FAR1: variants seen among roughly 807,000 people sequenced by gnomAD.
The protein encoded by FAR1 is male sterility domain-containing protein 2.
FAR1 carries 22 observed loss-of-function variants against 61.1 expected under a neutral mutation model. That is an observed-to-expected ratio of 0.36 (90% CI 0.26 to 0.51). FAR1 has a LOEUF of 0.51. Among genes scored for constraint, FAR1 ranks in the 20% least tolerant of loss-of-function variants. The pLI, the probability that FAR1 is intolerant of heterozygous loss-of-function variation, is 0.95. For synonymous variants in FAR1, 206 were observed against 209.7 expected, an observed-to-expected ratio of 0.98 and a Z score of 0.15; for missense variants, 359 against 626.9, an observed-to-expected ratio of 0.57 and a Z score of 4.56.
rs1848501206 is a variant in FAR1 at position 13,711,789 on chromosome 11, C to A, written c.749C>A (p.Pro250Gln). Residue 250 changes from proline (P) to glutamine (Q), a missense_variant, in exon 6 of 12, where the codon CCA (proline) becomes CAA (glutamine). By Grantham distance (76) the Pro-to-Gln change is moderately conservative. Coordinates refer to ENST00000354817, the MANE Select transcript of FAR1 (RefSeq NM_032228.6). ...FPGWIDNFNG[P>Q]SGLFIAAGKG... Reference sequence around the variant, plus strand: ...GGATGGATTGATAACTTTAATGGACCAAGTGGTCTCTTTATTGCGGTAAGT... The same window carrying A: ...GGATGGATTGATAACTTTAATGGACAAAGTGGTCTCTTTATTGCGGTAAGT... 13 of 1,600,518 alleles carry A rather than the reference C, an allele frequency of 8.1e-6. No individual in the cohort carries two copies. Among genetic ancestry groups the A allele is most frequent in the Non-Finnish European group, 1.1e-5 (13 of 1,175,112 alleles).
intron 1 of FAR1, among the ~76,000 whole-genome samples, chr11:13,687,392 A>T (rs1420444927): frequency 6.6e-6 from 1 of 152,226 alleles, no homozygotes; most frequent in African/African-American, 2.4e-5. Flanking sequence ...GGGAATGCTA[A>T]TGCTGCAGCT....
At chr11:13,678,394 A>T (rs1413426947) in intron 1 of FAR1, among the ~76,000 whole-genome samples, 1 of 151,856 alleles carries the variant, frequency 6.6e-6, no homozygotes, top group Non-Finnish European at 1.5e-5. Context: ...CCTCCTGAGT[A>T]GCTGGGACTA....
intron 2 of FAR1, among the ~76,000 whole-genome samples, chr11:13,695,360 C>T (rs2134180442): frequency 6.6e-6 from 1 of 152,204 alleles, no homozygotes; most frequent in East Asian, 1.9e-4. Flanking sequence ...TACTCCCCCA[C>T]AACAGTATTA....
At chr11:13,727,161 G>A (rs1447643549) in intron 10 of FAR1, among the ~76,000 whole-genome samples, 8 of 151,976 alleles carry the variant, frequency 5.3e-5, no homozygotes, top group Admixed American at 5.2e-4. Flanking sequence ...AGGAAAATTA[G>A]TCTGTTCAGT....
chr11:13,713,714 G>T (rs1848525790), intron 8 of FAR1, among the ~76,000 whole-genome samples: 1 of 151,964 alleles, frequency 6.6e-6, no homozygotes, highest in South Asian at 2.1e-4. Context: ...GAACAATTTT[G>T]ATTTCAATGT....
At chr11:13,670,886 A>G (rs1278512077) in intron 1 of FAR1, among the ~76,000 whole-genome samples, 2 of 152,180 alleles carry the variant, frequency 1.3e-5, no homozygotes, top group African/African-American at 4.8e-5. Context: ...TTTCCAGTGT[A>G]TTTAAATGGG....
chr11:13,669,119 A>C (rs1565335344), intron 1 of FAR1, among the ~76,000 whole-genome samples: 1 of 151,868 alleles, frequency 6.6e-6, no homozygotes, highest in African/African-American at 2.4e-5. Flanking sequence ...AGAGGTGGCG[A>C]AGGTGGGGCG....
intron 1 of FAR1, among the ~76,000 whole-genome samples, chr11:13,675,096 A>C (rs1848051804): frequency 6.9e-6 from 1 of 144,226 alleles, no homozygotes; most frequent in Admixed American, 7.0e-5. Flanking sequence ...CAGTGTGATA[A>C]GTATAATAAT....
chr11:13,682,764 A>T (rs1848142221), intron 1 of FAR1, among the ~76,000 whole-genome samples: 1 of 151,768 alleles, frequency 6.6e-6, no homozygotes, highest in Non-Finnish European at 1.5e-5. Context: ...GTGCACCACT[A>T]CAACTGGCTT....
chr11:13,710,241 C>A (rs1848482852), intron 4 of FAR1, among the ~76,000 whole-genome samples: 1 of 151,940 alleles, frequency 6.6e-6, no homozygotes, highest in African/African-American at 2.4e-5. Context: ...TATTTCCTAA[C>A]CTGCAAACTT....
At chr11:13,715,002 A>G (rs1305160448) in intron 9 of FAR1, among the ~76,000 whole-genome samples, 2 of 152,182 alleles carry the variant, frequency 1.3e-5, no homozygotes, top group Non-Finnish European at 2.9e-5. Context: ...TTCCTTCAAG[A>G]TGAATCCTTT....
intron 3 of FAR1, among the ~76,000 whole-genome samples, chr11:13,702,056 T>C (rs1848381977): frequency 6.6e-6 from 1 of 152,198 alleles, no homozygotes; most frequent in South Asian, 2.1e-4. Flanking sequence ...TGACTGTCCA[T>C]GGCAGGAAAT....
At position 13,726,790 on chromosome 11, in the gene FAR1, C is replaced by A. The variant is rs547295981; in HGVS notation, c.1258-766C>A. 5.3e-5 allele frequency among the ~76,000 whole-genome samples: 8 copies of A among 151,244 alleles called. No individual in the cohort carries two copies. The East Asian group carries it at 1.6e-3, about 29-fold the overall frequency. On this transcript the variant is annotated intron_variant, in intron 10 of 11. Coordinates refer to ENST00000354817, the MANE Select transcript of FAR1 (RefSeq NM_032228.6). ...CCAATAACATACACATATACCTTCT[C>A]AAAATGTTTCCTAAGTCTTCATTTT... is the stretch of plus-strand genomic sequence containing the variant.
chr11:13,683,805 G>A (rs1400711155), intron 1 of FAR1, among the ~76,000 whole-genome samples: 1 of 152,192 alleles, frequency 6.6e-6, no homozygotes. Flanking sequence ...AAATTTTTAG[G>A]TAGCTGGATT....
At chr11:13,694,246 G>T (rs1848285523) in intron 1 of FAR1, among the ~76,000 whole-genome samples, 1 of 152,144 alleles carries the variant, frequency 6.6e-6, no homozygotes, top group Non-Finnish European at 1.5e-5. Context: ...CTGTCACTAA[G>T]AGACACGTAG....
In FAR1 at chr11:13,721,953, T is replaced by C. The variant is rs547844875; in HGVS notation, c.1257+94T>C. On this transcript the variant is annotated intron_variant, in intron 10 of 11. Coordinates refer to ENST00000354817, the MANE Select transcript of FAR1 (RefSeq NM_032228.6). The surrounding 1 kb of genome is among the most constrained non-coding windows in gnomAD (Gnocchi z 4.2). ...TGAGAAATATTTTCCACAGCTATTA[T>C]GCAACAAGTAAGCCATTATTTATAG... 3.1e-5 allele frequency: 32 copies of C among 1,018,466 alleles called. No homozygotes were observed. The East Asian group carries it at 4.9e-4, about 16-fold the overall frequency. 63.1% of individuals were successfully genotyped at this position (1,018,466 alleles called of 1,614,324 possible).
chr11:13,712,963 C>T lies in FAR1; in HGVS notation c.888-3C>T, dbSNP rs1264831638. ...TTAATTGGTTTCATCTTTGTCTTTG[C>T]AGACCAAGAAACATCATGGTGTATA... is the stretch of plus-strand genomic sequence containing the variant. On this transcript the variant is annotated splice_polypyrimidine_tract_variant and splice_region_variant and intron_variant, in intron 7 of 11. Coordinates refer to ENST00000354817, the MANE Select transcript of FAR1 (RefSeq NM_032228.6). The T allele has an allele frequency of 6.2e-7, 1 of 1,610,296 alleles. No individual in the cohort carries two copies. Among genetic ancestry groups the T allele is most frequent in the Non-Finnish European group, 8.5e-7 (1 of 1,177,262 alleles).
chr11:13,709,365 T>C (rs556135933), intron 4 of FAR1, among the ~76,000 whole-genome samples: 62 of 152,170 alleles, frequency 4.1e-4, no homozygotes, highest in Non-Finnish European at 8.2e-4. Flanking sequence ...CATAGATCAA[T>C]AAACAGAAAT....
intron 10 of FAR1, among the ~76,000 whole-genome samples, 164 bp from the exon 11 acceptor site, chr11:13,727,392 C>T (rs1403652309): frequency 6.6e-6 from 1 of 151,820 alleles, no homozygotes; most frequent in African/African-American, 2.4e-5. Flanking sequence ...ACTAGGAATA[C>T]AAACTTTTCA....
Sources: allele counts gnomAD v4.1 joint callset (sites outside exome capture counted in the v4.1 genomes callset), GRCh38; gene constraint gnomAD v4.1.1; non-coding constraint Gnocchi (gnomAD v3.1); transcripts MANE v1.5; gene names NCBI Gene and HGNC (gene_info 2026-07-23, HGNC 2026-07-21).